The following INTS6 variants were observed in gnomAD, a reference collection of about 807,000 sequenced individuals.
The protein encoded by INTS6 is integrator complex subunit 6.
A neutral mutation model predicts 104.9 loss-of-function variants in INTS6; 16 were observed. The ratio of observed to expected loss-of-function variants is 0.15; its 90% CI spans 0.10 to 0.23. INTS6 has a LOEUF of 0.23. INTS6 is among the 10% of genes least tolerant of loss of function. The pLI is 1.00. For synonymous variants in INTS6, 324 were observed against 358.7 expected, an observed-to-expected ratio of 0.90 and a Z score of 1.09; for missense variants, 584 against 1,062.8, an observed-to-expected ratio of 0.55 and a Z score of 6.26.
intron 4 of INTS6, among the ~76,000 whole-genome samples, chr13:51,419,412 C>T (rs1956855322): frequency 1.3e-5 from 2 of 152,130 alleles, no homozygotes; most frequent in Admixed American, 1.3e-4. Flanking sequence ...AGTCTCATTT[C>T]CTGCTGCTGT....
chr13:51,374,535 C>T, intron 14 of INTS6, 96 bp from the exon 15 acceptor site: 1 of 1,504,698 alleles, frequency 6.6e-7, no homozygotes, highest in South Asian at 1.2e-5. Flanking sequence ...ATATTCTGTT[C>T]ATATTTATTA....
rs1443422437 is a variant in INTS6, at chr13:51,452,446, G to A, written c.80C>T (p.Thr27Met). ...GAAGGTCTCTACCGCGCCTTTGGCC[G>A]TGTCCAGGTAGGTGGTGCCCAGATG... ...RSHLGTTYLD[T>M]AKGAVETFMK... The change falls in exon 1 of 18, where the codon ACG becomes ATG. Residue 27 changes from threonine (T) to methionine (M), a missense_variant. Transcript: ENST00000311234. The surrounding 1 kb of genome is among the most constrained non-coding windows in gnomAD (Gnocchi z 4.2). 1.2e-6 allele frequency: 2 copies of A among 1,611,190 alleles called. No individual in the cohort carries two copies. Among genetic ancestry groups the A allele is most frequent in the Non-Finnish European group, 1.7e-6 (2 of 1,178,436 alleles).
At chr13:51,423,152 C>T in intron 4 of INTS6, 2 of 707,388 alleles carry the variant, frequency 2.8e-6, no homozygotes, top group Non-Finnish European at 4.0e-6. Flanking sequence ...TTATACACAG[C>T]CAAAGTAACT....
intron 7 of INTS6, among the ~76,000 whole-genome samples, chr13:51,386,780 A>C (rs117403278): frequency 6.6e-6 from 1 of 152,248 alleles, no homozygotes; most frequent in East Asian, 1.9e-4. Flanking sequence ...ATATGGAAAA[A>C]AAGAGTACAC....
At chr13:51,442,246 T>C (rs1257759864) in intron 3 of INTS6, 1 of 151,666 alleles carries the variant, frequency 6.6e-6, no homozygotes, top group African/African-American at 2.4e-5. Context: ...TTCAAGCGAT[T>C]TTCCTGCCTC....
intron 3 of INTS6, among the ~76,000 whole-genome samples, chr13:51,435,846 G>C (rs1957177099): frequency 6.6e-6 from 1 of 151,916 alleles, no homozygotes; most frequent in African/African-American, 2.4e-5. Context: ...GGTGGAGGAG[G>C]TTCATTAAAT....
intron 3 of INTS6, chr13:51,444,682 G>A (rs1332213655): frequency 1.3e-5 from 2 of 151,626 alleles, no homozygotes; most frequent in African/African-American, 4.8e-5. Flanking sequence ...CCGGGAGGCA[G>A]AGGTTGCAGT....
intron 3 of INTS6, chr13:51,447,176 T>C (rs1812952825): frequency 6.6e-6 from 1 of 152,232 alleles, no homozygotes; most frequent in African/African-American, 2.4e-5. Flanking sequence ...AAAAGATGTC[T>C]ATAGCTTAAT....
rs1324048232 is a variant in INTS6 at position 51,379,549 on chromosome 13, C to T, written c.1299G>A (p.Met433Ile). 1 of 1,597,750 alleles carries T rather than the reference C, an allele frequency of 6.3e-7. No homozygotes were observed. Among genetic ancestry groups the T allele is most frequent in the African/African-American group, 1.3e-5 (1 of 74,164 alleles). Residue 433 changes from methionine (M) to isoleucine (I), a missense_variant, in exon 11 of 18, where the codon ATG becomes ATA. This residue lies in a region of INTS6 where 144 missense variants were observed against 348.7 expected (regional missense o/e 0.41). Coordinates refer to ENST00000311234, the MANE Select transcript of INTS6 (RefSeq NM_012141.3). ...YLGPLKKAVR[M>I]MGAPNLIADS... Reference sequence around the variant, plus strand: ...CTGCTATTAGGTTAGGTGCTCCCATCATCCTAACAGCTTTCTTCAAGGGCT... The same window carrying T: ...CTGCTATTAGGTTAGGTGCTCCCATTATCCTAACAGCTTTCTTCAAGGGCT...
At chr13:51,352,408 T>C (rs1955413547), downstream of INTS6, among the ~76,000 whole-genome samples, 1 of 152,220 alleles carries the variant, frequency 6.6e-6, no homozygotes, top group South Asian at 2.1e-4. Context: ...ACAAACACAA[T>C]TGATTTTTGT....
chr13:51,434,609 G>A (rs1333834487), intron 3 of INTS6, among the ~76,000 whole-genome samples: 2 of 151,950 alleles, frequency 1.3e-5, no homozygotes, highest in African/African-American at 4.8e-5. Flanking sequence ...ACACAAGGTT[G>A]TTTTATTATT....
downstream of INTS6, among the ~76,000 whole-genome samples, chr13:51,359,278 C>A (rs1277867926): frequency 6.6e-6 from 1 of 152,040 alleles, no homozygotes; most frequent in Non-Finnish European, 1.5e-5. Context: ...TAATAGGAAT[C>A]TGTAATACAA....
At chr13:51,336,364 G>C in the INTS6 span, among the ~76,000 whole-genome samples, 1 of 152,114 alleles carries the variant, frequency 6.6e-6, no homozygotes, top group African/African-American at 2.4e-5. Flanking sequence ...GCAGCCCTCT[G>C]TAATCCCAGC....
chr13:51,371,165 G>A (rs1302116234), intron 15 of INTS6, among the ~76,000 whole-genome samples: 2 of 152,218 alleles, frequency 1.3e-5, no homozygotes, highest in South Asian at 2.1e-4. Context: ...CCTCCCAGGT[G>A]ATTCACATGC....
chr13:51,379,604 T>A, intron 10 of INTS6, 32 bp from the exon 11 acceptor site: 1 of 1,266,052 alleles, frequency 7.9e-7, no homozygotes, highest in Non-Finnish European at 1.1e-6. Context: ...CATTCAATAT[T>A]AAGCTTATTA....
At position 51,452,366 on chromosome 13, in the gene INTS6, C is replaced by CCGCGGGCCGCCGGGCCGGGGT; in HGVS notation, c.111+28_111+48dup. The CCGCGGGCCGCCGGGCCGGGGT allele has an allele frequency of 6.8e-7, 1 of 1,475,796 alleles. No homozygotes were observed. Among genetic ancestry groups the CCGCGGGCCGCCGGGCCGGGGT allele is most frequent in the Non-Finnish European group, 9.0e-7 (1 of 1,109,938 alleles). 91.4% of individuals were successfully genotyped at this position (1,475,796 alleles called of 1,614,324 possible). A position where few individuals can be genotyped will look rare whatever the true frequency, so the allele number is the denominator to read the frequency against. On this transcript the variant is annotated intron_variant, in intron 1 of 17. Transcript: ENST00000311234. The surrounding 1 kb of genome is among the most constrained non-coding windows in gnomAD (Gnocchi z 4.2). Reference sequence around the variant, plus strand: ...CGGCCGCCCTCCCCCACCCTGCCGCCCGCGGGCCGCCGGGCCGGGGTCGCC... The same window carrying CCGCGGGCCGCCGGGCCGGGGT: ...CGGCCGCCCTCCCCCACCCTGCCGCCCGCGGGCCGCCGGGCCGGGGTCGCGGGCCGCCGGGCCGGGGTCGCC...
downstream of INTS6, among the ~76,000 whole-genome samples, chr13:51,353,889 A>G (rs1462618730): frequency 6.6e-6 from 1 of 152,110 alleles, no homozygotes; most frequent in South Asian, 2.1e-4. Flanking sequence ...TTTATTTTCA[A>G]AGAAAAATAA....
At position 51,452,197 on chromosome 13, in the gene INTS6, C is replaced by T. The variant is rs1311664154; in HGVS notation, c.112-142G>A. 2.5e-6 allele frequency: 2 copies of T among 801,924 alleles called. No homozygotes were observed. The highest frequency in any genetic ancestry group is 3.7e-6 in the Non-Finnish European group (2 of 534,038). The allele number at this position is 801,924 out of a possible 1,614,324, so 49.7% of individuals were successfully genotyped here. ...CCACCCCTCCACGCCGTCCCCCACA[C>T]ACAGATCGCTCCCCACACACCGCCC... On this transcript the variant is annotated intron_variant, in intron 1 of 17. Transcript: ENST00000311234. The surrounding 1 kb of genome is among the most constrained non-coding windows in gnomAD (Gnocchi z 4.2).
At chr13:51,346,547 C>T in the INTS6 span, among the ~76,000 whole-genome samples, 5 of 152,186 alleles carry the variant, frequency 3.3e-5, no homozygotes, top group Admixed American at 2.0e-4. Flanking sequence ...AAATACTCTA[C>T]CAACCCAACT....
Sources: gnomAD v4.1 joint callset for allele counts (sites outside exome capture counted in the v4.1 genomes callset) on GRCh38, gnomAD v4.1.1 for gene constraint, gnomAD v4.1.1 regional missense constraint, Gnocchi (gnomAD v3.1) non-coding constraint, MANE v1.5 for transcripts, NCBI Gene and HGNC (gene_info 2026-07-23, HGNC 2026-07-21) for gene names.